Variants in IP6K3 observed in about 807,000 individuals in gnomAD.
The protein encoded by IP6K3 is inositol hexakisphosphate kinase 3, also known as ATP:1D-myo-inositol-hexakisphosphate phosphotransferase.
Under a neutral mutation model 28.8 loss-of-function variants are expected in IP6K3, and 20 were observed. That is an observed-to-expected ratio of 0.70 (90% CI 0.49 to 1.01). The LOEUF (loss-of-function observed/expected upper bound fraction) is 1.01. IP6K3 is among the 50% of genes least tolerant of loss of function. The pLI, the probability that IP6K3 is intolerant of heterozygous loss-of-function variation, is 0.00. For synonymous variants in IP6K3, 213 were observed against 221.3 expected, an observed-to-expected ratio of 0.96 and a Z score of 0.33; for missense variants, 480 against 537.1, an observed-to-expected ratio of 0.89 and a Z score of 1.05.
At chr6:33,760,126 G>A in the IP6K3 span, among the ~76,000 whole-genome samples, 1 of 152,176 alleles carries the variant, frequency 6.6e-6, no homozygotes, top group Admixed American at 6.5e-5. Flanking sequence ...CTATCACAAG[G>A]GCTCTTCAGC....
At chr6:33,739,879 C>T (rs1427266673) in intron 1 of IP6K3, among the ~76,000 whole-genome samples, 2 of 152,344 alleles carry the variant, frequency 1.3e-5, no homozygotes, top group South Asian at 2.1e-4. Context: ...TGCTCTGAGG[C>T]TTGGCTTGTC....
At chr6:33,758,820 A>G in the IP6K3 span, among the ~76,000 whole-genome samples, 4 of 152,244 alleles carry the variant, frequency 2.6e-5, no homozygotes, top group South Asian at 2.1e-4. Context: ...GCTGGTCTTG[A>G]ACTCCTGACC....
chr6:33,723,074 G>T lies in IP6K3; in HGVS notation c.879C>A (p.His293Gln). ...TGGGCTCCAGGAGCTCCCTCCGGAG[G>T]TGGCTTCCATTATGTAGGAACTGAT... ...ALYQFLHNGS[H>Q]LRRELLEPIL... Residue 293 changes from histidine (H) to glutamine (Q), a missense_variant, in exon 6 of 6, where the codon CAC becomes CAA. Physicochemically the swap from His to Gln is conservative, Grantham distance 24. Transcript: ENST00000293756. 1 of 1,614,166 alleles carries T rather than the reference G, an allele frequency of 6.2e-7. No homozygotes were observed. The highest frequency in any genetic ancestry group is 8.5e-7 in the Non-Finnish European group (1 of 1,179,992).
chr6:33,725,411 C>T (rs962808520), intron 5 of IP6K3, 30 bp downstream of exon 5: 58 of 1,587,830 alleles, frequency 3.7e-5, no homozygotes, highest in Non-Finnish European at 4.7e-5. Flanking sequence ...CCGGGATGTC[C>T]CCCCCTGTGG....
chr6:33,744,992 G>T lies in IP6K3; in HGVS notation c.-180+1766C>A, dbSNP rs1249442452. Among the ~76,000 whole-genome samples, 1 of 152,236 alleles carries T rather than the reference G, an allele frequency of 6.6e-6. No homozygotes were observed. The highest frequency in any genetic ancestry group is 1.9e-4 in the East Asian group (1 of 5,192). On this transcript the variant is annotated intron_variant, in intron 1 of 5. Transcript: ENST00000293756. The surrounding 1 kb of genome is among the most constrained non-coding windows in gnomAD (Gnocchi z 4.4). Reference sequence around the variant, plus strand: ...CATCCCGCCCAGGCTGTGGCACCCTGGTGGGTGGGTGAGGCCTCTCAGCTG... The same window carrying T: ...CATCCCGCCCAGGCTGTGGCACCCTTGTGGGTGGGTGAGGCCTCTCAGCTG...
At position 33,744,762 on chromosome 6, in the gene IP6K3, T is replaced by A. The variant is rs1291140259; in HGVS notation, c.-180+1996A>T. ...TGAAGTTCTGCCTCCACCAGGCAGA[T>A]GTTTTTGAAAAGCTCAGAAGCCATC... On this transcript the variant is annotated intron_variant, in intron 1 of 5. Coordinates refer to ENST00000293756, the MANE Select transcript of IP6K3 (RefSeq NM_054111.5). The surrounding 1 kb of genome is among the most constrained non-coding windows in gnomAD (Gnocchi z 4.4). Among the ~76,000 whole-genome samples the A allele has an allele frequency of 6.6e-6, 1 of 152,228 alleles. No individual in the cohort carries two copies. Among genetic ancestry groups the A allele is most frequent in the Non-Finnish European group, 1.5e-5 (1 of 68,036 alleles).
chr6:33,757,267 C>G, the IP6K3 span, among the ~76,000 whole-genome samples: 1 of 152,268 alleles, frequency 6.6e-6, no homozygotes, highest in South Asian at 2.1e-4. Context: ...CCATCCACCT[C>G]TCTCCTCTTC....
At chr6:33,739,333 T>C (rs920447494) in intron 1 of IP6K3, 1 of 152,072 alleles carries the variant, frequency 6.6e-6, no homozygotes, top group Non-Finnish European at 1.5e-5. Flanking sequence ...GGGGTCAGCC[T>C]AGGATGTAGA....
intron 1 of IP6K3, among the ~76,000 whole-genome samples, chr6:33,737,153 C>T (rs998362714): frequency 6.6e-6 from 1 of 152,172 alleles, no homozygotes; most frequent in Non-Finnish European, 1.5e-5. Flanking sequence ...CTCTTACTCT[C>T]CCTGAGGGTG....
At chr6:33,761,657 C>G in the IP6K3 span, among the ~76,000 whole-genome samples, 1 of 152,086 alleles carries the variant, frequency 6.6e-6, no homozygotes, top group Non-Finnish European at 1.5e-5. Flanking sequence ...CTCCCCTCCT[C>G]TCCAGAGTGG....
chr6:33,758,902 A>C, the IP6K3 span, among the ~76,000 whole-genome samples: 2 of 152,100 alleles, frequency 1.3e-5, no homozygotes. Flanking sequence ...CCCTGCCCAA[A>C]AAGTTTTACA....
chr6:33,738,964 A>T lies in IP6K3; in HGVS notation c.-179-3309T>A, dbSNP rs916248310. On this transcript the variant is annotated intron_variant, in intron 1 of 5. Transcript: ENST00000293756. ...ACCTCTGCAGAAACCACCACAAGGG[A>T]TCAGGCTGAAGGCCCATCTAGAGCA... 2.6e-5 allele frequency among the ~76,000 whole-genome samples: 4 copies of T among 152,318 alleles called. No homozygotes were observed. The South Asian group carries it at 6.2e-4, about 24-fold the overall frequency.
chr6:33,752,540 G>C, the IP6K3 span, among the ~76,000 whole-genome samples: 1 of 152,246 alleles, frequency 6.6e-6, no homozygotes, highest in Non-Finnish European at 1.5e-5. Context: ...ACAGCTGGAG[G>C]GGCCCTGAGA....
intron 1 of IP6K3, among the ~76,000 whole-genome samples, chr6:33,740,705 G>C (rs149449593): frequency 1.6e-4 from 24 of 152,200 alleles, no homozygotes; most frequent in Non-Finnish European, 1.5e-5. Flanking sequence ...GTCACAACCC[G>C]TCGGCACATT....
At chr6:33,732,835 G>A (rs1426859050) in intron 2 of IP6K3, among the ~76,000 whole-genome samples, 4 of 152,312 alleles carry the variant, frequency 2.6e-5, no homozygotes, top group African/African-American at 7.2e-5. Context: ...TACACCACCC[G>A]AGAGCCCTTT....
intron 2 of IP6K3, among the ~76,000 whole-genome samples, chr6:33,728,934 T>C (rs779485051): frequency 1.2e-4 from 18 of 152,192 alleles, no homozygotes; most frequent in Non-Finnish European, 2.2e-4. Flanking sequence ...CCATTTCCTC[T>C]GGTTAGATGC....
intron 1 of IP6K3, among the ~76,000 whole-genome samples, chr6:33,737,046 C>T (rs729376): frequency 0.12 from 19,011 of 152,234 alleles, 1,582 homozygotes; most frequent in Middle Eastern, 0.22. Flanking sequence ...GTGAGGCCTA[C>T]AGTACCATGC....
chr6:33,756,309 A>C, the IP6K3 span, among the ~76,000 whole-genome samples: 1 of 152,136 alleles, frequency 6.6e-6, no homozygotes, highest in Non-Finnish European at 1.5e-5. Context: ...GTGTCTTTTG[A>C]GCAGAGACTT....
Position 33,725,454 on chromosome 6 carries a change from A to G in IP6K3, c.752T>C (p.Ile251Thr). The stretch of plus-strand genomic sequence containing the variant: ...CCTGCGACCTACCTGCATGCCGCAG[A>G]TGCGCACACCCAGGCAGGCTGAGGT... The part of the protein sequence containing the change: ...QSTSACLGVR[I>T]CGMQVYQTDK... Residue 251 changes from isoleucine to threonine, a missense_variant, in exon 5 of 6, where the codon ATC (isoleucine) becomes ACC (threonine). By Grantham distance (89) the Ile-to-Thr change is moderately conservative. Transcript: ENST00000293756. The G allele has an allele frequency of 4.3e-6, 7 of 1,611,074 alleles. No individual in the cohort carries two copies. The highest frequency in any genetic ancestry group is 5.9e-6 in the Non-Finnish European group (7 of 1,179,760).
Sources: allele counts gnomAD v4.1 joint callset (sites outside exome capture counted in the v4.1 genomes callset), GRCh38; gene constraint gnomAD v4.1.1; non-coding constraint Gnocchi (gnomAD v3.1); transcripts MANE v1.5; gene names NCBI Gene and HGNC (gene_info 2026-07-23, HGNC 2026-07-21).